Variants in UPP2 observed in about 807,000 individuals in gnomAD.
UPP2 encodes UPase 2.
UPP2 carries 23 observed loss-of-function variants against 26.7 expected under a neutral mutation model. The observed-to-expected ratio is 0.86, with a 90% CI of 0.62 to 1.22. The LOEUF is 1.22. UPP2 is among the 50% of genes most tolerant of loss of function. The probability of loss-of-function intolerance (pLI) is 0.00; values close to 1 mark genes in which losing one functional copy is unlikely to be tolerated. For synonymous variants in UPP2, 127 were observed against 141.3 expected, an observed-to-expected ratio of 0.90 and a Z score of 0.72; for missense variants, 387 against 396.7, an observed-to-expected ratio of 0.98 and a Z score of 0.21.
At chr2:158,089,229 T>C (rs1449682091) in intron 3 of UPP2, among the ~76,000 whole-genome samples, 1 of 152,046 alleles carries the variant, frequency 6.6e-6, no homozygotes, top group Non-Finnish European at 1.5e-5. Flanking sequence ...ATGGTTGCCT[T>C]TGTGCATCAT....
chr2:158,034,622 C>T (rs12992208), intron 3 of UPP2, among the ~76,000 whole-genome samples: 8 of 151,884 alleles, frequency 5.3e-5, no homozygotes, highest in East Asian at 3.9e-4. Context: ...AGAGATTTGT[C>T]GTGTGTGTGT....
At chr2:158,064,270 T>C (rs1280059292) in intron 3 of UPP2, among the ~76,000 whole-genome samples, 1 of 152,222 alleles carries the variant, frequency 6.6e-6, no homozygotes, top group Non-Finnish European at 1.5e-5. Context: ...GTTTCCTGAC[T>C]TTTTAATGAT....
intron 3 of UPP2, among the ~76,000 whole-genome samples, chr2:158,081,411 T>C (rs1317916424): frequency 6.6e-6 from 1 of 152,122 alleles, no homozygotes; most frequent in Non-Finnish European, 1.5e-5. Flanking sequence ...AGCATGATAG[T>C]TCCTCAAAAA....
At chr2:158,004,285 G>A (rs1384464287) in intron 2 of UPP2, among the ~76,000 whole-genome samples, 2 of 151,894 alleles carry the variant, frequency 1.3e-5, no homozygotes, top group Non-Finnish European at 2.9e-5. Context: ...GCCTTAGTAT[G>A]TCATCTGCTG....
intron 3 of UPP2, among the ~76,000 whole-genome samples, chr2:158,050,592 G>A (rs1018236740): frequency 6.6e-6 from 1 of 152,092 alleles, no homozygotes; most frequent in Non-Finnish European, 1.5e-5. Context: ...GAGCCTGGAA[G>A]TTCCAGGCCA....
At chr2:158,060,356 T>C (rs1468313782) in intron 3 of UPP2, among the ~76,000 whole-genome samples, 1 of 152,190 alleles carries the variant, frequency 6.6e-6, no homozygotes, top group African/African-American at 2.4e-5. Context: ...ATGATACATG[T>C]AAAGCACTTC....
At chr2:158,129,177 T>C (rs1683757832) in intron 6 of UPP2, among the ~76,000 whole-genome samples, 1 of 151,978 alleles carries the variant, frequency 6.6e-6, no homozygotes. Flanking sequence ...CTGTCTGTGG[T>C]TGTCATTATT....
chr2:158,046,239 G>A (rs188410457), intron 3 of UPP2, among the ~76,000 whole-genome samples: 166 of 152,292 alleles, frequency 1.1e-3, no homozygotes, highest in African/African-American at 3.8e-3. Context: ...TAGTGGAATT[G>A]TAGTTTAAAT....
intron 3 of UPP2, among the ~76,000 whole-genome samples, chr2:158,078,303 A>G (rs1387571485): frequency 6.6e-6 from 1 of 152,164 alleles, no homozygotes; most frequent in Non-Finnish European, 1.5e-5. Flanking sequence ...AAGAAAAGAA[A>G]TCAGTATATT....
rs200977567 is a variant in UPP2, at chr2:158,123,359, T to TC, written c.665-390_665-389insC. ...GCTTAGCATCATCGAAACCTCTTTT[T>TC]TTTTCTCCCAGCACCCATCCCTGGG... On this transcript the variant is annotated intron_variant, in intron 5 of 6. Transcript: ENST00000005756. Among the ~76,000 whole-genome samples the TC allele has an allele frequency of 8.6e-4, 126 of 145,726 alleles. 2 individuals carry two copies. Among genetic ancestry groups the TC allele is most frequent in the African/African-American group, 2.8e-3 (114 of 40,808 alleles).
intron 2 of UPP2, among the ~76,000 whole-genome samples, chr2:158,006,004 C>T (rs1219775868): frequency 6.6e-6 from 1 of 152,194 alleles, no homozygotes; most frequent in Non-Finnish European, 1.5e-5. Context: ...CATTACACTG[C>T]GCAGCTACAG....
At chr2:158,088,722 G>C (rs1017020350) in intron 3 of UPP2, among the ~76,000 whole-genome samples, 5 of 152,166 alleles carry the variant, frequency 3.3e-5, no homozygotes, top group African/African-American at 1.2e-4. Flanking sequence ...TGGCTTCCTA[G>C]AGCTGAACTG....
At chr2:158,098,577 A>C (rs1683024143), upstream of UPP2, among the ~76,000 whole-genome samples, 1 of 152,218 alleles carries the variant, frequency 6.6e-6, no homozygotes, top group South Asian at 2.1e-4. Flanking sequence ...ACATAGAGCC[A>C]AGGGATAATA....
intron 3 of UPP2, among the ~76,000 whole-genome samples, chr2:158,068,799 TATA>T (rs1276289465): frequency 1.1e-3 from 21 of 18,266 alleles, no homozygotes; most frequent in South Asian, 4.1e-3. Flanking sequence ...TATATATATA[TATA>T]TTTTTTTTTT....
intron 3 of UPP2, among the ~76,000 whole-genome samples, chr2:158,026,479 A>G (rs1683834637): frequency 2.6e-5 from 4 of 152,136 alleles, no homozygotes; most frequent in Admixed American, 2.6e-4. Flanking sequence ...CAATGTAAGA[A>G]CGAGCGTCTC....
upstream of UPP2, among the ~76,000 whole-genome samples, chr2:158,097,838 T>C (rs1338244172): frequency 6.6e-6 from 1 of 152,212 alleles, no homozygotes; most frequent in Non-Finnish European, 1.5e-5. Flanking sequence ...CCTAGGGATA[T>C]CATTCTTGCT....
In UPP2 at chr2:158,045,431, A is replaced by G. The variant is rs116375463; in HGVS notation, c.147+29545A>G. ...ATCTCCCAACACCATCTCAAGGCCA[A>G]ACTTCAAGGGCAGTGGGCAGCTTTA... On this transcript the variant is annotated intron_variant, in intron 3 of 9. Transcript: ENST00000605860. Among the ~76,000 whole-genome samples the G allele has an allele frequency of 7.5e-3, 1,149 of 152,290 alleles. 16 individuals carry two copies. Among genetic ancestry groups the G allele is most frequent in the African/African-American group, 0.026 (1,090 of 41,566 alleles).
chr2:158,087,423 T>C (rs535981868), intron 3 of UPP2, among the ~76,000 whole-genome samples: 35 of 152,324 alleles, frequency 2.3e-4, no homozygotes, highest in Admixed American at 2.0e-3. Context: ...GATCCTTGGT[T>C]GGTGAATTCT....
chr2:158,049,065 C>T (rs922440681), intron 3 of UPP2, among the ~76,000 whole-genome samples: 3 of 152,158 alleles, frequency 2.0e-5, no homozygotes, highest in South Asian at 2.1e-4. Context: ...CCAGACATTC[C>T]GCTTGCCCAC....
Sources: gnomAD v4.1 joint callset for allele counts (sites outside exome capture counted in the v4.1 genomes callset) on GRCh38, gnomAD v4.1.1 for gene constraint, MANE v1.5 for transcripts, NCBI Gene and HGNC (gene_info 2026-07-23, HGNC 2026-07-21) for gene names.